The following PAX3 variants were observed in gnomAD, a reference collection of about 807,000 sequenced individuals.
PAX3 encodes the protein paired box protein Pax-3.
A neutral mutation model predicts 51.6 loss-of-function variants in PAX3; 14 were observed. The observed-to-expected ratio is 0.27, with a 90% CI of 0.18 to 0.42. PAX3 has a LOEUF of 0.42. PAX3 is among the 10% of genes least tolerant of loss of function. The probability of loss-of-function intolerance (pLI) is 1.00; values close to 1 mark genes in which losing one functional copy is unlikely to be tolerated. For missense variants in PAX3, 540 were observed against 642.8 expected, an observed-to-expected ratio of 0.84 and a Z score of 1.73; for synonymous variants, 280 against 253.4, an observed-to-expected ratio of 1.11 and a Z score of -1.00.
intron 3 of PAX3, 103 bp from the exon 4 acceptor site, chr2:222,294,404 G>T (rs1030370756): frequency 1.8e-5 from 24 of 1,303,698 alleles, no homozygotes; most frequent in Non-Finnish European, 2.6e-5. Flanking sequence ...CAGGGCCCTA[G>T]AGCCGCTGCC....
chr2:222,229,785 T>G (rs896669032), intron 5 of PAX3, among the ~76,000 whole-genome samples: 2 of 152,194 alleles, frequency 1.3e-5, no homozygotes, highest in African/African-American at 4.8e-5. Context: ...AGCCCACCAC[T>G]TCTACCTCTC....
intron 4 of PAX3, among the ~76,000 whole-genome samples, chr2:222,287,805 A>G (rs1233611676): frequency 6.6e-6 from 1 of 152,220 alleles, no homozygotes; most frequent in African/African-American, 2.4e-5. Context: ...GATAATACCC[A>G]CCAAAATTCT....
chr2:222,213,782 T>A (rs1691843645), intron 7 of PAX3, among the ~76,000 whole-genome samples: 2 of 152,142 alleles, frequency 1.3e-5, no homozygotes, highest in South Asian at 4.1e-4. Flanking sequence ...TAAAGGTAGG[T>A]CAAGGGCAGA....
Position 222,294,191 on chromosome 2 carries a change from T to G in PAX3, c.562A>C (p.Ile188Leu), listed in dbSNP as rs775093979. Reference sequence around the variant, plus strand: ...CCTCGCTCGCTCAGGATGCCGTCGATGCTGTGTTTGGCCTTCTTCTCGCTT... The same window carrying G: ...CCTCGCTCGCTCAGGATGCCGTCGAGGCTGTGTTTGGCCTTCTTCTCGCTT... ...EESEKKAKHS[I>L]DGILSERASA... Residue 188 changes from isoleucine to leucine, a missense_variant, in exon 4 of 9, where the codon ATC (isoleucine) becomes CTC (leucine). This residue lies in a region of PAX3 where 427 missense variants were observed against 483.6 expected (regional missense o/e 0.88). Transcript: ENST00000392070. The G allele has an allele frequency of 8.7e-6, 14 of 1,614,262 alleles. No individual in the cohort carries two copies. Among genetic ancestry groups the G allele is most frequent in the Non-Finnish European group, 1.7e-6 (2 of 1,180,048 alleles).
chr2:222,271,068 G>A (rs768044260), intron 4 of PAX3, among the ~76,000 whole-genome samples: 5 of 152,166 alleles, frequency 3.3e-5, no homozygotes, highest in Admixed American at 6.5e-5. Flanking sequence ...TGATGTGTTC[G>A]CGGTCACTAA....
At chr2:222,251,992 A>G (rs1433953209) in intron 4 of PAX3, among the ~76,000 whole-genome samples, 1 of 152,224 alleles carries the variant, frequency 6.6e-6, no homozygotes, top group East Asian at 1.9e-4. Flanking sequence ...CGAAGATGTA[A>G]CAGACTATTC....
chr2:222,220,042 T>C (rs1692123445), intron 7 of PAX3, 98 bp downstream of exon 7: 1 of 1,003,920 alleles, frequency 1.0e-6, no homozygotes, highest in East Asian at 2.6e-5. Flanking sequence ...GAATACATTA[T>C]GGTTTAAATT....
At position 222,244,206 on chromosome 2, in the gene PAX3, T is replaced by G. The variant is rs1574680337; in HGVS notation, c.587-11923A>C. ...ACAGCTGCTTTTTGAAATTTTGTCT[T>G]TTTGTGTCTAAGCAACAGTTGCCAT... On this transcript the variant is annotated intron_variant, in intron 4 of 8. Transcript: ENST00000392070. Among the ~76,000 whole-genome samples, 3 of 152,186 alleles carry G rather than the reference T, an allele frequency of 2.0e-5. No homozygotes were observed. In the East Asian group the frequency reaches 5.8e-4, roughly 29 times the overall value.
At chr2:222,273,018 T>C (rs1694305099) in intron 4 of PAX3, among the ~76,000 whole-genome samples, 1 of 152,158 alleles carries the variant, frequency 6.6e-6, no homozygotes, top group African/African-American at 2.4e-5. Context: ...CCCCTGGACT[T>C]TGAGGGGTTT....
At chr2:222,245,043 G>C (rs978088226) in intron 4 of PAX3, among the ~76,000 whole-genome samples, 1 of 152,168 alleles carries the variant, frequency 6.6e-6, no homozygotes, top group Non-Finnish European at 1.5e-5. Flanking sequence ...AGCTATTCAG[G>C]AGGCTGAGGC....
intron 4 of PAX3, among the ~76,000 whole-genome samples, chr2:222,252,565 C>T (rs1693477731): frequency 6.6e-6 from 1 of 152,192 alleles, no homozygotes; most frequent in Non-Finnish European, 1.5e-5. Context: ...CCCATCATCA[C>T]TATCACCATC....
intron 4 of PAX3, among the ~76,000 whole-genome samples, chr2:222,277,137 G>A (rs1283775824): frequency 6.6e-6 from 1 of 152,038 alleles, no homozygotes; most frequent in Non-Finnish European, 1.5e-5. Flanking sequence ...ACAATTTAGG[G>A]GGCTCCTCTT....
intron 4 of PAX3, among the ~76,000 whole-genome samples, chr2:222,286,560 T>C (rs531236741): frequency 6.6e-6 from 1 of 152,238 alleles, no homozygotes; most frequent in African/African-American, 2.4e-5. Context: ...AGGTGTTTTG[T>C]TTTGTTTTGT....
intron 6 of PAX3, among the ~76,000 whole-genome samples, chr2:222,220,993 T>C (rs1692170305): frequency 6.6e-6 from 1 of 152,250 alleles, no homozygotes; most frequent in South Asian, 2.1e-4. Flanking sequence ...TTAATTTGTT[T>C]TAAAATACTG....
At chr2:222,225,279 C>A (rs1692343518) in intron 5 of PAX3, among the ~76,000 whole-genome samples, 2 of 152,282 alleles carry the variant, frequency 1.3e-5, no homozygotes, top group African/African-American at 4.8e-5. Context: ...TCTACTGAGT[C>A]CTTCCATAAA....
intron 4 of PAX3, among the ~76,000 whole-genome samples, chr2:222,245,397 A>G (rs1403393320): frequency 5.9e-5 from 9 of 152,224 alleles, no homozygotes. Flanking sequence ...CAGGCAAAAC[A>G]AAGTATAATT....
In PAX3 at chr2:222,221,443, T is replaced by G. The variant is rs1037616393; in HGVS notation, c.793-56A>C. On this transcript the variant is annotated intron_variant, in intron 5 of 8. Coordinates refer to ENST00000392070, the MANE Select transcript of PAX3 (RefSeq NM_181458.4). ...CACTGATGAAATAATAGTACATTCT[T>G]AATGAATTTTTTATGCTAAAACAGA... The G allele has an allele frequency of 1.0e-5, 15 of 1,494,698 alleles. No homozygotes were observed. The African/African-American group carries it at 1.4e-4, about 14-fold the overall frequency. The allele number at this position is 1,494,698 out of a possible 1,614,324, so 92.6% of individuals were successfully genotyped here. A position where few individuals can be genotyped will look rare whatever the true frequency, so the allele number is the denominator to read the frequency against.
chr2:222,220,169 G>A lies in PAX3; in HGVS notation c.1144C>T (p.Pro382Ser). 6.2e-7 allele frequency: 1 copy of A among 1,613,798 alleles called. No individual in the cohort carries two copies. Among genetic ancestry groups the A allele is most frequent in the Non-Finnish European group, 8.5e-7 (1 of 1,179,888 alleles). ...PPSGPSNPMNPTIGNGLSPQV... is the reference protein window; with the variant it reads ...PPSGPSNPMNSTIGNGLSPQV... ...GGTGAGAGGCCATTGCCAATGGTGGGGTTCATGGGGTTGGAGGGCCCCGAC... is the reference window on the plus strand; with the variant it reads ...GGTGAGAGGCCATTGCCAATGGTGGAGTTCATGGGGTTGGAGGGCCCCGAC... Residue 382 changes from proline to serine, a missense_variant, in exon 7 of 9, where the codon CCC becomes TCC. This residue lies in a region of PAX3 where 427 missense variants were observed against 483.6 expected (regional missense o/e 0.88). Coordinates refer to ENST00000392070, the MANE Select transcript of PAX3 (RefSeq NM_181458.4).
intron 4 of PAX3, among the ~76,000 whole-genome samples, chr2:222,273,141 C>T (rs1489460176): frequency 6.6e-6 from 1 of 152,114 alleles, no homozygotes; most frequent in Admixed American, 6.5e-5. Context: ...AAAGTTACAC[C>T]TTTCTTTCCT....
Sources: gnomAD v4.1 joint callset for allele counts (sites outside exome capture counted in the v4.1 genomes callset) on GRCh38, gnomAD v4.1.1 for gene constraint, gnomAD v4.1.1 regional missense constraint, MANE v1.5 for transcripts, NCBI Gene and HGNC (gene_info 2026-07-23, HGNC 2026-07-21) for gene names.